PHYHD1: variants seen among roughly 807,000 people sequenced by gnomAD.
PHYHD1 encodes the protein phytanoyl-CoA dioxygenase domain containing 1, also known as phytanoyl-CoA dioxygenase domain-containing protein 1.
PHYHD1 carries 42 observed loss-of-function variants against 43.6 expected under a neutral mutation model. The ratio of observed to expected loss-of-function variants is 0.96; its 90% CI spans 0.75 to 1.25. The LOEUF (loss-of-function observed/expected upper bound fraction) is 1.25. Among genes scored for constraint, PHYHD1 ranks in the 50% most tolerant of loss-of-function variants. PHYHD1 has a pLI of 0.00. For missense variants in PHYHD1, 342 were observed against 370.8 expected, an observed-to-expected ratio of 0.92 and a Z score of 0.64; for synonymous variants, 139 against 143.6, an observed-to-expected ratio of 0.97 and a Z score of 0.23.
intron 3 of PHYHD1, among the ~76,000 whole-genome samples, chr9:128,922,730 C>T (rs548648610): frequency 3.9e-5 from 6 of 152,356 alleles, no homozygotes; most frequent in Non-Finnish European, 7.3e-5. Context: ...CAAAAGGCTA[C>T]CTCGTAGGAA....
intron 1 of PHYHD1, 33 bp from the exon 2 acceptor site, chr9:128,921,897 C>T (rs1841007583): frequency 5.5e-6 from 1 of 183,350 alleles, no homozygotes; most frequent in Admixed American, 6.2e-5. Context: ...GCCGCACATC[C>T]CCCAGACCAA....
At chr9:128,927,535 C>T (rs777147353) in intron 4 of PHYHD1, among the ~76,000 whole-genome samples, 1 of 152,078 alleles carries the variant, frequency 6.6e-6, no homozygotes, top group Non-Finnish European at 1.5e-5. Context: ...GCCACCAGGC[C>T]CGGCTAATTT....
At position 128,940,609 on chromosome 9, in the gene PHYHD1, A is replaced by G. The variant is rs770905978; in HGVS notation, c.597A>G (p.Ser199=). The part of the protein sequence containing the change: ...FIPGSHTSGV[S]RRMVRAPVGS... ...CATCTTGGCCTGCAGGTGGTGTGTCAAGAAGGATGGTCCGGGCCCCTGTTG... is the reference window on the plus strand; with the variant it reads ...CATCTTGGCCTGCAGGTGGTGTGTCGAGAAGGATGGTCCGGGCCCCTGTTG... The change falls in exon 11 of 13, where the codon TCA becomes TCG. Residue 199 remains serine, a synonymous_variant. Transcript: ENST00000372592. 1 of 1,614,054 alleles carries G rather than the reference A, an allele frequency of 6.2e-7. No homozygotes were observed.
chr9:128,931,846 C>CTTTCTTTCTTTTT (rs1554825724), intron 4 of PHYHD1, among the ~76,000 whole-genome samples: 20 of 149,762 alleles, frequency 1.3e-4, no homozygotes, highest in African/African-American at 4.7e-4. Flanking sequence ...TTCTTTCTTT[C>CTTTCTTTCTTTTT]TTTTTGAGAT....
chr9:128,939,788 G>A (rs1241834280), intron 9 of PHYHD1, among the ~76,000 whole-genome samples: 1 of 120,888 alleles, frequency 8.3e-6, no homozygotes, highest in East Asian at 2.2e-4. Flanking sequence ...CCAAGTAGCT[G>A]GGATTACAGG....
At position 128,921,998 on chromosome 9, in the gene PHYHD1, A is replaced by T; in HGVS notation, c.-91A>T. 2.7e-6 allele frequency: 1 copy of T among 375,074 alleles called. No homozygotes were observed. The allele number at this position is 375,074 out of a possible 1,614,324, so 23.2% of individuals were successfully genotyped here. On this transcript the variant is annotated 5_prime_UTR_variant, in exon 2 of 13. Transcript: ENST00000372592. The stretch of plus-strand genomic sequence containing the variant: ...AATGGCGGCGCCTGGACTGGGACTC[A>T]GCCCAGCTGCTTGGCCTGACCCTCT...
At chr9:128,935,670 G>A (rs1048948685) in intron 6 of PHYHD1, among the ~76,000 whole-genome samples, 2 of 152,240 alleles carry the variant, frequency 1.3e-5, no homozygotes, top group Admixed American at 6.5e-5. Flanking sequence ...TTGGGAGGCC[G>A]AGGCGGGTGG....
Position 128,930,839 on chromosome 9 carries a change from C to T in PHYHD1, c.193-2943C>T, listed in dbSNP as rs368505168. On this transcript the variant is annotated intron_variant, in intron 4 of 12. Transcript: ENST00000372592. ...TGGCGGGCACCTGTAGTCCCAGCTA[C>T]TCGGGAGGCTGAGGCAGAAGAATGG... is the stretch of plus-strand genomic sequence containing the variant. Among the ~76,000 whole-genome samples the T allele has an allele frequency of 3.3e-5, 5 of 151,158 alleles. 1 individual carries two copies. Among genetic ancestry groups the T allele is most frequent in the Admixed American group, 6.6e-5 (1 of 15,126 alleles).
intron 5 of PHYHD1, 42 bp downstream of exon 5, chr9:128,933,899 AG>A: frequency 6.2e-7 from 1 of 1,608,432 alleles, no homozygotes; most frequent in Non-Finnish European, 8.5e-7. Flanking sequence ...AGCCATGGTG[AG>A]GGTAGGCTGG....
intron 4 of PHYHD1, 146 bp downstream of exon 4, chr9:128,927,342 G>T: frequency 1.1e-6 from 1 of 923,472 alleles, no homozygotes; most frequent in East Asian, 2.6e-5. Context: ...GCTCCTCACT[G>T]GGAAGTTATC....
At position 128,939,906 on chromosome 9, in the gene PHYHD1, T is replaced by C. The variant is rs574165583; in HGVS notation, c.458-463T>C. 1.9e-3 allele frequency among the ~76,000 whole-genome samples: 286 copies of C among 151,614 alleles called. 1 individual carries two copies. Among genetic ancestry groups the C allele is most frequent in the African/African-American group, 6.6e-3 (274 of 41,440 alleles). On this transcript the variant is annotated intron_variant, in intron 9 of 12. Coordinates refer to ENST00000372592, the MANE Select transcript of PHYHD1 (RefSeq NM_001100876.2). ...CTGACCTCAGGTGATCCACCCGCCT[T>C]GGCCTCCCAAAGTGCTGAGATTATA... is the stretch of plus-strand genomic sequence containing the variant.
At chr9:128,922,452 T>A in intron 3 of PHYHD1, 96 bp downstream of exon 3, 2 of 1,436,812 alleles carry the variant, frequency 1.4e-6, no homozygotes, top group Admixed American at 5.0e-5. Flanking sequence ...CCTGCCCCAT[T>A]TTACCGAGGA....
Position 128,941,660 on chromosome 9 carries a change from C to T in PHYHD1, c.831-8C>T. 1 of 1,614,194 alleles carries T rather than the reference C, an allele frequency of 6.2e-7. No individual in the cohort carries two copies. Among genetic ancestry groups the T allele is most frequent in the Non-Finnish European group, 8.5e-7 (1 of 1,180,022 alleles). On this transcript the variant is annotated splice_region_variant and splice_polypyrimidine_tract_variant and intron_variant, in intron 12 of 12. Coordinates refer to ENST00000372592, the MANE Select transcript of PHYHD1 (RefSeq NM_001100876.2). ...ACCTCAAGGTTGTTTCTCCTCTATCCTCTGCAGGCTCCAGCCAACAGCTGA... is the reference window on the plus strand; with the variant it reads ...ACCTCAAGGTTGTTTCTCCTCTATCTTCTGCAGGCTCCAGCCAACAGCTGA...
At chr9:128,939,800 G>A (rs1418199674) in intron 9 of PHYHD1, among the ~76,000 whole-genome samples, 1 of 121,422 alleles carries the variant, frequency 8.2e-6, no homozygotes, top group Admixed American at 9.6e-5. Context: ...GATTACAGGC[G>A]CCTGCCACCA....
chr9:128,925,647 A>G (rs1841114174), intron 3 of PHYHD1, among the ~76,000 whole-genome samples: 1 of 152,032 alleles, frequency 6.6e-6, no homozygotes, highest in African/African-American at 2.4e-5. Context: ...ACCAGAGGCA[A>G]ATCAGAAGAA....
At chr9:128,924,566 C>A (rs1031572295) in intron 3 of PHYHD1, among the ~76,000 whole-genome samples, 2 of 150,314 alleles carry the variant, frequency 1.3e-5, no homozygotes, top group African/African-American at 4.9e-5. Flanking sequence ...GAGCTATGAT[C>A]ACATCACTAC....
Position 128,940,597 on chromosome 9 carries a change from A to C in PHYHD1, c.587-2A>C, listed in dbSNP as rs779026081. On this transcript the variant is annotated splice_acceptor_variant, in intron 10 of 12. Transcript: ENST00000372592. LOFTEE classifies it high-confidence loss of function. ...TTTAAGGCTCTCCATCTTGGCCTGC[A>C]GGTGGTGTGTCAAGAAGGATGGTCC... The C allele has an allele frequency of 6.2e-7, 1 of 1,614,106 alleles. No homozygotes were observed. The highest frequency in any genetic ancestry group is 8.5e-7 in the Non-Finnish European group (1 of 1,179,990).
At chr9:128,941,366 G>A (rs1841554602) in intron 11 of PHYHD1, 79 bp from the exon 12 acceptor site, 14 of 1,560,578 alleles carry the variant, frequency 9.0e-6, no homozygotes, top group Non-Finnish European at 1.2e-5. Flanking sequence ...CTGGAAGGAG[G>A]AGGGCCCATG....
rs530612597 is a variant in PHYHD1 at position 128,922,277 on chromosome 9, C to A, written c.-41-6C>A. Reference sequence around the variant, plus strand: ...CCAGGCTCCTAAACTTTCTCCTCCCCACCAGGAGGCCGCGCTTAGAAGCCG... The same window carrying A: ...CCAGGCTCCTAAACTTTCTCCTCCCAACCAGGAGGCCGCGCTTAGAAGCCG... On this transcript the variant is annotated splice_region_variant and splice_polypyrimidine_tract_variant and intron_variant, in intron 2 of 12. Transcript: ENST00000372592. 6.5e-7 allele frequency: 1 copy of A among 1,549,228 alleles called. No homozygotes were observed. The highest frequency in any genetic ancestry group is 2.0e-5 in the Admixed American group (1 of 50,374).
Sources: allele counts gnomAD v4.1 joint callset (sites outside exome capture counted in the v4.1 genomes callset), GRCh38; gene constraint gnomAD v4.1.1; transcripts MANE v1.5; gene names NCBI Gene and HGNC (gene_info 2026-07-23, HGNC 2026-07-21).